SLC37A1: variants seen among roughly 807,000 people sequenced by gnomAD.
The protein encoded by SLC37A1 is solute carrier family 37 member 1, also known as glucose-6-phosphate exchanger SLC37A1.
A neutral mutation model predicts 75.3 loss-of-function variants in SLC37A1; 49 were observed. The observed-to-expected ratio is 0.65, with a 90% CI of 0.52 to 0.83. The LOEUF is 0.83. Ranked by LOEUF, SLC37A1 falls within the 40% of genes least tolerant of loss-of-function variation. SLC37A1 has a pLI of 0.00. For missense variants in SLC37A1, 566 were observed against 695.0 expected, an observed-to-expected ratio of 0.81 and a Z score of 2.09; for synonymous variants, 268 against 292.1, an observed-to-expected ratio of 0.92 and a Z score of 0.84.
At chr21:42,537,292 T>G (rs993274015) in intron 5 of SLC37A1, among the ~76,000 whole-genome samples, 3 of 152,106 alleles carry the variant, frequency 2.0e-5, no homozygotes, top group Admixed American at 2.0e-4. Context: ...AGCTGGAGAG[T>G]GTGGTGTGTA....
chr21:42,556,598 C>T (rs899368871), intron 10 of SLC37A1, among the ~76,000 whole-genome samples: 4 of 152,204 alleles, frequency 2.6e-5, no homozygotes, highest in African/African-American at 9.6e-5. Context: ...AAGCCCTAAG[C>T]GTGGAGTGCA....
intron 3 of SLC37A1, among the ~76,000 whole-genome samples, chr21:42,534,433 G>A (rs895987362): frequency 6.6e-6 from 1 of 152,124 alleles, no homozygotes; most frequent in African/African-American, 2.4e-5. Flanking sequence ...CTCGTCTTCT[G>A]GTGGCATATG....
intron 5 of SLC37A1, 81 bp downstream of exon 5, chr21:42,535,631 C>T (rs1371914364): frequency 1.6e-6 from 2 of 1,268,138 alleles, no homozygotes; most frequent in Non-Finnish European, 2.3e-6. Context: ...TGCTGAAGTG[C>T]ACAGGCGCGC....
At chr21:42,566,693 G>A (rs1269989497) in intron 15 of SLC37A1, among the ~76,000 whole-genome samples, 1 of 152,156 alleles carries the variant, frequency 6.6e-6, no homozygotes, top group Non-Finnish European at 1.5e-5. Flanking sequence ...AGCAGCTGTG[G>A]GTGAGGAGAG....
chr21:42,555,216 G>A (rs1278316398), intron 10 of SLC37A1, among the ~76,000 whole-genome samples: 3 of 151,938 alleles, frequency 2.0e-5, no homozygotes. Context: ...TTGAACTCCT[G>A]ACCTCAGGTG....
chr21:42,549,477 G>T (rs1169430100), intron 9 of SLC37A1, among the ~76,000 whole-genome samples: 7 of 152,374 alleles, frequency 4.6e-5, no homozygotes, highest in Non-Finnish European at 7.3e-5. Context: ...GAGGCAGGTG[G>T]TCCAGAGAAA....
At chr21:42,572,514 G>A (rs1228361897) in intron 17 of SLC37A1, among the ~76,000 whole-genome samples, 1 of 151,742 alleles carries the variant, frequency 6.6e-6, no homozygotes, top group African/African-American at 2.4e-5. Flanking sequence ...CTTTCTCAGG[G>A]AGATTCTTGA....
At chr21:42,565,637 C>T (rs1356558955) in intron 14 of SLC37A1, among the ~76,000 whole-genome samples, 190 bp from the exon 15 acceptor site, 1 of 152,218 alleles carries the variant, frequency 6.6e-6, no homozygotes, top group Non-Finnish European at 1.5e-5. Context: ...TGGTCCAAAG[C>T]CCTCGTGGTG....
chr21:42,532,125 A>G (rs1401616748), intron 3 of SLC37A1, among the ~76,000 whole-genome samples: 1 of 152,238 alleles, frequency 6.6e-6, no homozygotes, highest in African/African-American at 2.4e-5. Flanking sequence ...AGAGGCACCA[A>G]GATCCCAGCT....
At position 42,542,606 on chromosome 21, in the gene SLC37A1, T is replaced by C. The variant is rs1447611224; in HGVS notation, c.563+126T>C. ...TCTTTAAAATAAGATGGCTGAAACC[T>C]CTGGGGCTTGAATTGCTGAAATTCA... On this transcript the variant is annotated intron_variant, in intron 7 of 19. Coordinates refer to ENST00000352133, the MANE Select transcript of SLC37A1 (RefSeq NM_001320537.2). 3.3e-6 allele frequency: 3 copies of C among 906,038 alleles called. No individual in the cohort carries two copies. In the Admixed American group the frequency reaches 7.0e-5, roughly 21 times the overall value. 56.1% of individuals were successfully genotyped at this position (906,038 alleles called of 1,614,324 possible).
intron 17 of SLC37A1, among the ~76,000 whole-genome samples, chr21:42,569,651 C>T (rs1353380101): frequency 2.0e-5 from 3 of 152,386 alleles, no homozygotes; most frequent in Middle Eastern, 3.4e-3. Flanking sequence ...TCCGACTCGG[C>T]CTCCAGGCCC....
At chr21:42,530,404 G>C (rs1034349404) in intron 3 of SLC37A1, among the ~76,000 whole-genome samples, 3 of 152,138 alleles carry the variant, frequency 2.0e-5, no homozygotes, top group East Asian at 1.9e-4. Context: ...TGTTGTCTGT[G>C]GGGGAGAGCC....
In SLC37A1 at chr21:42,552,207, A is replaced by C. The variant is rs111235856; in HGVS notation, c.769-1855A>C. Among the ~76,000 whole-genome samples the C allele has an allele frequency of 1.7e-3, 260 of 152,340 alleles. 2 individuals are homozygous for C. The highest frequency in any genetic ancestry group is 5.8e-3 in the African/African-American group (242 of 41,578). ...TTTGATTCCTAGGTTACTTAGGTTT[A>C]GGATATCTATTTTGTGCCCTAATCT... On this transcript the variant is annotated intron_variant, in intron 9 of 19. Transcript: ENST00000352133. The surrounding 1 kb of genome is among the most constrained non-coding windows in gnomAD (Gnocchi z 4.2).
At chr21:42,574,746 C>T (rs1183569457) in intron 17 of SLC37A1, 72 bp from the exon 18 acceptor site, 1 of 1,454,358 alleles carries the variant, frequency 6.9e-7, no homozygotes, top group East Asian at 2.3e-5. Flanking sequence ...GAGCCCCATT[C>T]TCTGTGGCTG....
At chr21:42,519,673 G>A (rs189427164) in intron 2 of SLC37A1, among the ~76,000 whole-genome samples, 10 of 152,314 alleles carry the variant, frequency 6.6e-5, no homozygotes, top group Non-Finnish European at 1.5e-4. Flanking sequence ...GCTGGTTGGT[G>A]GAGCATCCAC....
Position 42,546,267 on chromosome 21 carries a change from C to A in SLC37A1, c.731-836C>A, listed in dbSNP as rs564930986. 1.5e-4 allele frequency among the ~76,000 whole-genome samples: 23 copies of A among 152,348 alleles called. No homozygotes were observed. In the South Asian group the frequency reaches 4.6e-3, roughly 30 times the overall value. ...GCAGGTTGCTGGTGTCTGTAAAGGACACGCTGAAGCCTCACTTCTGGTTCT... is the reference window on the plus strand; with the variant it reads ...GCAGGTTGCTGGTGTCTGTAAAGGAAACGCTGAAGCCTCACTTCTGGTTCT... On this transcript the variant is annotated intron_variant, in intron 8 of 19. Transcript: ENST00000352133.
Position 42,548,638 on chromosome 21 carries a change from C to T in SLC37A1, c.768+1498C>T, listed in dbSNP as rs2055481666. On this transcript the variant is annotated intron_variant, in intron 9 of 19. Coordinates refer to ENST00000352133, the MANE Select transcript of SLC37A1 (RefSeq NM_001320537.2). This position sits in a 1 kb window ranked among gnomAD's most constrained non-coding sequence, Gnocchi z 5.6. Reference sequence around the variant, plus strand: ...CATCAGCCTCCTAGAACGATCCACTCTTGCTCCCCAGAATCTCTTCTTCAC... The same window carrying T: ...CATCAGCCTCCTAGAACGATCCACTTTTGCTCCCCAGAATCTCTTCTTCAC... Among the ~76,000 whole-genome samples the T allele has an allele frequency of 6.6e-6, 1 of 152,238 alleles. No homozygotes were observed. Among genetic ancestry groups the T allele is most frequent in the South Asian group, 2.1e-4 (1 of 4,838 alleles).
rs188424389 is a variant in SLC37A1 at position 42,569,630 on chromosome 21, G to A, written c.1423+1192G>A. ...TTCCTGGGACCACCCTGCTGAGAAC[G>A]CGTGAACCCTTCCGACTCGGCCTCC... is the stretch of plus-strand genomic sequence containing the variant. On this transcript the variant is annotated intron_variant, in intron 17 of 19. Transcript: ENST00000352133. 1.9e-3 allele frequency among the ~76,000 whole-genome samples: 291 copies of A among 152,294 alleles called. 1 individual carries two copies. Among genetic ancestry groups the A allele is most frequent in the African/African-American group, 6.0e-3 (249 of 41,558 alleles).
At chr21:42,506,484 G>A (rs2054385307) in intron 2 of SLC37A1, among the ~76,000 whole-genome samples, 1 of 152,138 alleles carries the variant, frequency 6.6e-6, no homozygotes, top group Admixed American at 6.5e-5. Flanking sequence ...CTAATTCACA[G>A]TTCCTAAAGC....
Sources: gnomAD v4.1 joint callset for allele counts (sites outside exome capture counted in the v4.1 genomes callset) on GRCh38, gnomAD v4.1.1 for gene constraint, Gnocchi (gnomAD v3.1) non-coding constraint, MANE v1.5 for transcripts, NCBI Gene and HGNC (gene_info 2026-07-23, HGNC 2026-07-21) for gene names.